Variants in GPX4 observed in about 807,000 individuals in gnomAD.
GPX4 encodes the protein phospholipid hydroperoxide glutathione peroxidase GPX4.
In GPX4, 28 loss-of-function variants were observed where a neutral mutation model predicts 27.8. That is an observed-to-expected ratio of 1.01 (90% confidence interval 0.75 to 1.38). The LOEUF (loss-of-function observed/expected upper bound fraction) is 1.38. Among genes scored for constraint, GPX4 ranks in the 40% most tolerant of loss-of-function variants. The pLI is 0.00. For missense variants in GPX4, 357 were observed against 274.1 expected, an observed-to-expected ratio of 1.30 and a Z score of -2.14; for synonymous variants, 163 against 107.8, an observed-to-expected ratio of 1.51 and a Z score of -3.17.
chr19:1,105,558 CG>C (rs2079639539), intron 3 of GPX4, 48 bp downstream of exon 3: 2 of 712,452 alleles, frequency 2.8e-6, no homozygotes, highest in Admixed American at 1.9e-5. Flanking sequence ...GGGTGGGGGT[CG>C]GGGTGGGCTC....
In GPX4 at chr19:1,105,211, G is replaced by C; in HGVS notation, c.110G>C (p.Cys37Ser). ...TGCGCGTCCCGGGACGACTGGCGCT[G>C]TGCGCGCTCCATGCACGAGTTTTCC... ...TMCASRDDWR[C>S]ARSMHEFSAK... The change falls in exon 2 of 7, where the codon TGT becomes TCT. Residue 37 changes from cysteine (C) to serine (S), a missense_variant. Physicochemically the swap from Cys to Ser is moderately radical, Grantham distance 112. Coordinates refer to ENST00000354171, the MANE Select transcript of GPX4 (RefSeq NM_002085.5). The C allele has an allele frequency of 6.2e-7, 1 of 1,613,058 alleles. No homozygotes were observed. The highest frequency in any genetic ancestry group is 8.5e-7 in the Non-Finnish European group (1 of 1,179,900).
chr19:1,105,331 G>A (rs764426541), intron 2 of GPX4, 35 bp from the exon 3 acceptor site: 7 of 1,612,478 alleles, frequency 4.3e-6, no homozygotes, highest in Non-Finnish European at 5.1e-6. Flanking sequence ...GGAGGGGGCC[G>A]TGTTCTTCTG....
chr19:1,105,533 C>A (rs1367654057), intron 3 of GPX4, 23 bp downstream of exon 3: 26 of 1,610,698 alleles, frequency 1.6e-5, no homozygotes, highest in Non-Finnish European at 2.0e-5. Context: ...GTCCCCGGGG[C>A]CCGCAGAGGC....
chr19:1,104,568 G>T, intron 1 of GPX4: 1 of 933,232 alleles, frequency 1.1e-6, no homozygotes, highest in Non-Finnish European at 1.3e-6. Context: ...GGGCGCGGAG[G>T]GCTGGAAATC....
Position 1,105,668 on chromosome 19 carries a change from G to GT in GPX4, c.336dup (p.Asn113Ter). On this transcript the variant is annotated frameshift_variant, in exon 4 of 7. Transcript: ENST00000354171. LOFTEE classifies it high-confidence loss of function. Reference sequence around the variant, plus strand: ...CCTTGGCCGCCACAGGAGCCAGGGAGTAACGAAGAGATCAAAGAGTTCGCC... The same window carrying GT: ...CCTTGGCCGCCACAGGAGCCAGGGAGTTAACGAAGAGATCAAAGAGTTCGCC... The GT allele has an allele frequency of 2.5e-6, 4 of 1,613,056 alleles. No individual in the cohort carries two copies. The highest frequency in any genetic ancestry group is 3.4e-6 in the Non-Finnish European group (4 of 1,179,734).
chr19:1,105,761 T>G lies in GPX4; in HGVS notation c.428T>G (p.Leu143Arg). Reference protein sequence around the residue: ...ICVNGDDAHPLWKWMKIQPKG... With the variant: ...ICVNGDDAHPRWKWMKIQPKG... The stretch of plus-strand genomic sequence containing the variant: ...GTGAACGGGGACGACGCCCACCCGC[T>G]GTGGAAGTGGATGAAGATCCAACCC... Residue 143 changes from leucine (L) to arginine (R), a missense_variant, in exon 4 of 7, where the codon CTG (leucine) becomes CGG (arginine). Leu to Arg is a moderately radical substitution (Grantham distance 102). Transcript: ENST00000354171. 1.3e-6 allele frequency: 2 copies of G among 1,583,852 alleles called. No individual in the cohort carries two copies. The highest frequency in any genetic ancestry group is 1.7e-6 in the Non-Finnish European group (2 of 1,166,920).
In GPX4 at chr19:1,104,106, G is replaced by A. The variant is rs72550710; in HGVS notation, c.63G>A (p.Ala21=). The A allele has an allele frequency of 1.7e-5, 25 of 1,504,260 alleles. No individual in the cohort carries two copies. Among genetic ancestry groups the A allele is most frequent in the African/African-American group, 1.0e-4 (7 of 69,216 alleles). The allele number at this position is 1,504,260 out of a possible 1,614,324, so 93.2% of individuals were successfully genotyped here. A position where few individuals can be genotyped will look rare whatever the true frequency, so the allele number is the denominator to read the frequency against. The change falls in exon 1 of 7, where the codon GCG becomes GCA. Residue 21 remains alanine (A), a synonymous_variant. Transcript: ENST00000354171. ...CGCTGCTCTGTGGGGCTCTGGCCGC[G>A]CCTGGCCTGGCCGGGACCATGGTGA... ...KPALLCGALA[A]PGLAGTMCAS... is the part of the protein sequence containing the mutation.
rs758755482 is a variant in GPX4 at position 1,106,643 on chromosome 19, G to A, written c.*71G>A. On this transcript the variant is annotated 3_prime_UTR_variant, in exon 7 of 7. Coordinates refer to ENST00000354171, the MANE Select transcript of GPX4 (RefSeq NM_002085.5). ...GAGCCTTCCACCGGCACTCATGACG[G>A]CCTGCCTGCAAACCTGCTGGTGGGG... 2.4e-5 allele frequency: 39 copies of A among 1,596,380 alleles called. No individual in the cohort carries two copies. The highest frequency in any genetic ancestry group is 2.9e-5 in the Non-Finnish European group (34 of 1,171,458).
chr19:1,105,085 C>T (rs1367319995), intron 1 of GPX4, 101 bp from the exon 2 acceptor site: 1 of 1,502,620 alleles, frequency 6.7e-7, no homozygotes, highest in East Asian at 2.4e-5. Context: ...CGCAGGGCCT[C>T]GGTGTCCCCG....
chr19:1,105,904 C>T (rs1324296563), intron 4 of GPX4, 95 bp downstream of exon 4: 68 of 1,365,848 alleles, frequency 5.0e-5, no homozygotes, highest in Non-Finnish European at 6.2e-5. Context: ...GCTCATGGCT[C>T]GGGGGGCGGT....
In GPX4 at chr19:1,106,431, A is replaced by G. The variant is rs1322130895; in HGVS notation, c.533A>G (p.Lys178Arg). The G allele has an allele frequency of 1.9e-6, 3 of 1,613,278 alleles. No homozygotes were observed. Among genetic ancestry groups the G allele is most frequent in the Non-Finnish European group, 2.5e-6 (3 of 1,179,936 alleles). ...FLIDKNGCVV[K>R]RYGPMEEPLV... is the part of the protein sequence containing the mutation. ...ATCGACAAGAACGGCTGCGTGGTGA[A>G]GCGCTACGGACCCATGGAGGAGCCC... is the stretch of plus-strand genomic sequence containing the variant. The change falls in exon 6 of 7, where the codon AAG becomes AGG. Residue 178 changes from lysine to arginine, a missense_variant. Lys to Arg is a conservative substitution (Grantham distance 26). Coordinates refer to ENST00000354171, the MANE Select transcript of GPX4 (RefSeq NM_002085.5).
chr19:1,106,345 C>T (rs1568536902), intron 5 of GPX4, 55 bp from the exon 6 acceptor site: 1 of 1,610,610 alleles, frequency 6.2e-7, no homozygotes. Context: ...ACAGGAAGGG[C>T]AGCCTCAGCC....
At chr19:1,104,627 G>C (rs1033125157) in intron 1 of GPX4, 32 of 985,962 alleles carry the variant, frequency 3.2e-5, no homozygotes, top group Non-Finnish European at 3.5e-5. Context: ...CCTTGGCCTA[G>C]CGCGGTGGCG....
rs543575878 is a variant in GPX4 at position 1,105,522 on chromosome 19, C to G, written c.324+12C>G. 1 of 1,439,416 alleles carries G rather than the reference C, an allele frequency of 6.9e-7. No individual in the cohort carries two copies. The highest frequency in any genetic ancestry group is 9.4e-7 in the Non-Finnish European group (1 of 1,065,066). 89.2% of individuals were successfully genotyped at this position (1,439,416 alleles called of 1,614,324 possible). On this transcript the variant is annotated intron_variant, in intron 3 of 6. Coordinates refer to ENST00000354171, the MANE Select transcript of GPX4 (RefSeq NM_002085.5). ...AGTTCGGGAAGCAGGTGGGCTGCTG[C>G]GTCCCCGGGGCCCGCAGAGGCGGGT...
intron 1 of GPX4, chr19:1,104,342 C>T (rs1249282251): frequency 4.0e-6 from 2 of 494,176 alleles, no homozygotes. Flanking sequence ...GGCGCGCGGG[C>T]TGGGGTCGGG....
Position 1,105,259 on chromosome 19 carries a change from T to C in GPX4, c.158T>C (p.Met53Thr), listed in dbSNP as rs200859501. The change falls in exon 2 of 7, where the codon ATG becomes ACG. Residue 53 changes from methionine (M) to threonine (T), a missense_variant. Physicochemically the swap from Met to Thr is moderately conservative, Grantham distance 81. Transcript: ENST00000354171. Reference sequence around the variant, plus strand: ...TCCGCCAAGGACATCGACGGGCACATGGTTAACCTGGACAAGTACCGGTGG... The same window carrying C: ...TCCGCCAAGGACATCGACGGGCACACGGTTAACCTGGACAAGTACCGGTGG... ...EFSAKDIDGH[M>T]VNLDKYRGFV... 135 of 1,612,900 alleles carry C rather than the reference T, an allele frequency of 8.4e-5. No individual in the cohort carries two copies. The highest frequency in any genetic ancestry group is 7.6e-6 in the Non-Finnish European group (9 of 1,179,902).
chr19:1,104,292 C>T (rs1287672500), intron 1 of GPX4, 165 bp downstream of exon 1: 15 of 623,302 alleles, frequency 2.4e-5, no homozygotes, highest in Non-Finnish European at 3.7e-5. Context: ...ACGCGGGTGA[C>T]CGTACTGCGA....
intron 1 of GPX4, chr19:1,104,975 T>C (rs1009917139): frequency 6.8e-7 from 1 of 1,478,068 alleles, no homozygotes; most frequent in South Asian, 1.4e-5. Context: ...CATTTTGGGG[T>C]TGGAACCCTC....
intron 4 of GPX4, 35 bp from the exon 5 acceptor site, chr19:1,106,207 C>T (rs776385017): frequency 6.3e-6 from 10 of 1,577,684 alleles, no homozygotes; most frequent in Admixed American, 3.5e-5. Context: ...TGGGGGGCTG[C>T]TGGGGACGCT....
Sources: allele counts gnomAD v4.1 joint callset, GRCh38; gene constraint gnomAD v4.1.1; transcripts MANE v1.5; gene names NCBI Gene and HGNC (gene_info 2026-07-23, HGNC 2026-07-21).